Variants in ATAD3A observed in about 807,000 individuals in gnomAD.
ATAD3A encodes the protein ATPase family AAA domain-containing protein 3A.
Under a neutral mutation model 73.8 loss-of-function variants are expected in ATAD3A, and 46 were observed. That is an observed-to-expected ratio of 0.62 (90% CI 0.49 to 0.80). ATAD3A has a LOEUF of 0.80. Among genes scored for constraint, ATAD3A ranks in the 30% least tolerant of loss-of-function variants. The pLI is 0.00. For synonymous variants in ATAD3A, 319 were observed against 350.0 expected (o/e 0.91, Z 0.99); for missense variants, 705 against 838.0 (o/e 0.84, Z 1.96).
intron 14 of ATAD3A, 96 bp downstream of exon 14, chr1:1,527,958 CTTTTTTTT>C (rs376072450): frequency 1.0e-6 from 1 of 981,016 alleles, no homozygotes; most frequent in Non-Finnish European, 1.4e-6. Context: ...TTTAACATTC[CTTTTTTTT>C]TTTTTTTTTT....
chr1:1,518,985 G>A lies in ATAD3A; in HGVS notation c.509G>A (p.Arg170Gln), dbSNP rs758391776. Residue 170 changes from arginine (R) to glutamine (Q), a missense_variant, in exon 5 of 16, where the codon CGG becomes CAG. Arg to Gln is a conservative substitution (Grantham distance 43). Coordinates refer to ENST00000378756, the MANE Select transcript of ATAD3A (RefSeq NM_001170535.3). ...TCCGTGCAGAAGCAGGAAGCCATGC[G>A]GCGAGGTAGGCTGTCTGCTCTCCTG... ...EESVQKQEAM[R>Q]RATVEREMEL... 31 of 1,614,046 alleles carry A rather than the reference G, an allele frequency of 1.9e-5. No homozygotes were observed. Among genetic ancestry groups the A allele is most frequent in the East Asian group, 6.7e-5 (3 of 44,894 alleles).
Position 1,534,572 on chromosome 1 carries a change from G to T in ATAD3A, c.*500G>T. 3.8e-6 allele frequency: 1 copy of T among 261,500 alleles called. No individual in the cohort carries two copies. The highest frequency in any genetic ancestry group is 6.6e-6 in the Non-Finnish European group (1 of 150,688). The allele number at this position is 261,500 out of a possible 1,614,324, so 16.2% of individuals were successfully genotyped here. A position where few individuals can be genotyped will look rare whatever the true frequency, so the allele number is the denominator to read the frequency against. ...TTCACACACTGGTGACCCTGAGAGA[G>T]GAGGGAGGAGGGAACCTGGCGGGGG... On this transcript the variant is annotated 3_prime_UTR_variant, in exon 16 of 16. Coordinates refer to ENST00000378756, the MANE Select transcript of ATAD3A (RefSeq NM_001170535.3).
chr1:1,514,718 G>T (rs866201369), intron 1 of ATAD3A, among the ~76,000 whole-genome samples: 2 of 152,148 alleles, frequency 1.3e-5, no homozygotes, highest in South Asian at 2.1e-4. Context: ...AACAGACGCT[G>T]GGCTCTAGTT....
intron 13 of ATAD3A, 59 bp from the exon 14 acceptor site, chr1:1,527,636 C>T: frequency 5.8e-6 from 9 of 1,546,508 alleles, no homozygotes; most frequent in Middle Eastern, 1.7e-4. Context: ...AGGCCCCGTT[C>T]CCCTTGGTGC....
At position 1,516,058 on chromosome 1, in the gene ATAD3A, G is replaced by A. The variant is rs1362718963; in HGVS notation, c.252G>A (p.Thr84=). The change falls in exon 2 of 16, where the codon ACG becomes ACA. Residue 84 remains threonine (T), a synonymous_variant. Coordinates refer to ENST00000378756, the MANE Select transcript of ATAD3A (RefSeq NM_001170535.3). ...ALNLAQMQEQ[T]LQLEQQSKLK... Reference sequence around the variant, plus strand: ...ATCTGGCACAGATGCAGGAGCAGACGCTGCAGTTGGAGCAACAGTCCAAGC... The same window carrying A: ...ATCTGGCACAGATGCAGGAGCAGACACTGCAGTTGGAGCAACAGTCCAAGC... The A allele has an allele frequency of 3.1e-6, 5 of 1,613,798 alleles. No individual in the cohort carries two copies. Among genetic ancestry groups the A allele is most frequent in the East Asian group, 4.5e-5 (2 of 44,894 alleles).
intron 7 of ATAD3A, 69 bp from the exon 8 acceptor site, chr1:1,522,675 C>T (rs998163296): frequency 3.3e-5 from 52 of 1,594,654 alleles, no homozygotes; most frequent in African/African-American, 1.1e-4. Context: ...GGGGCAGCCC[C>T]GTGCGTCTCC....
chr1:1,527,145 TC>T (rs2100676387), intron 13 of ATAD3A: 1 of 1,301,010 alleles, frequency 7.7e-7, no homozygotes, highest in East Asian at 5.6e-5. Context: ...TTTCTTGGTC[TC>T]CTGGGCCCCT....
In ATAD3A at chr1:1,534,420, G is replaced by C. The variant is rs1036704683; in HGVS notation, c.*348G>C. On this transcript the variant is annotated 3_prime_UTR_variant, in exon 16 of 16. Coordinates refer to ENST00000378756, the MANE Select transcript of ATAD3A (RefSeq NM_001170535.3). ...TGGCTGAGCCCCCGGGGCAGCAGGA[G>C]CCAGGCAGGTGATGTCTTTGTTCTC... 8.5e-6 allele frequency: 11 copies of C among 1,296,692 alleles called. No individual in the cohort carries two copies. The highest frequency in any genetic ancestry group is 1.1e-5 in the Non-Finnish European group (11 of 1,012,710). The allele number at this position is 1,296,692 out of a possible 1,614,324, so 80.3% of individuals were successfully genotyped here.
chr1:1,529,239 C>T lies in ATAD3A; in HGVS notation c.1522C>T (p.Gln508Ter). 6.2e-7 allele frequency: 1 copy of T among 1,608,992 alleles called. No individual in the cohort carries two copies. Among genetic ancestry groups the T allele is most frequent in the Non-Finnish European group, 8.5e-7 (1 of 1,178,504 alleles). Reference protein sequence around the residue: ...TEGKQRLKLAQFDYGRKCSEV... With the variant: ...TEGKQRLKLA ...CTTCCCCAGGCGCCTGAAGCTGGCCCAGTTTGACTACGGGAGGAAGTGCTC... is the reference window on the plus strand; with the variant it reads ...CTTCCCCAGGCGCCTGAAGCTGGCCTAGTTTGACTACGGGAGGAAGTGCTC... The change falls in exon 15 of 16, where the codon CAG becomes TAG. Residue 508 changes from glutamine (Q) to a stop codon, truncating the protein, a stop_gained. Transcript: ENST00000378756. LOFTEE classifies it high-confidence loss of function.
chr1:1,533,323 G>A (rs1196105389), intron 15 of ATAD3A, among the ~76,000 whole-genome samples: 5 of 152,234 alleles, frequency 3.3e-5, no homozygotes, highest in Non-Finnish European at 4.4e-5. Flanking sequence ...CTGGCATTGG[G>A]ATGGAGAGTG....
At chr1:1,527,111 C>T in intron 13 of ATAD3A, 7 of 1,252,612 alleles carry the variant, frequency 5.6e-6, no homozygotes, top group African/African-American at 1.5e-5. Context: ...TCCCTAGTCC[C>T]TCCCAAGTCC....
At chr1:1,522,977 C>T (rs1341118118) in intron 8 of ATAD3A, 78 bp downstream of exon 8, 163 of 1,559,782 alleles carry the variant, frequency 1.0e-4, no homozygotes, top group South Asian at 1.0e-3. Flanking sequence ...AGCCCACGCA[C>T]ACCCTCCCGT....
intron 12 of ATAD3A, among the ~76,000 whole-genome samples, 171 bp from the exon 13 acceptor site, chr1:1,526,290 G>C (rs1641840163): frequency 6.6e-6 from 1 of 152,074 alleles, no homozygotes; most frequent in Non-Finnish European, 1.5e-5. Flanking sequence ...CAAAATCCAG[G>C]TTACATTCGT....
Position 1,523,926 on chromosome 1 carries a change from T to C in ATAD3A, c.1051T>C (p.Tyr351His). 6.2e-7 allele frequency: 1 copy of C among 1,614,028 alleles called. No individual in the cohort carries two copies. The highest frequency in any genetic ancestry group is 1.3e-5 in the African/African-American group (1 of 75,052). Residue 351 changes from tyrosine to histidine, a missense_variant, in exon 10 of 16, where the codon TAC becomes CAC. Around this residue, in one of 5 missense-constraint regions of ATAD3A, gnomAD observed 315 missense variants for 334.1 expected, o/e 0.94. Transcript: ENST00000378756. The surrounding 1 kb of genome is among the most constrained non-coding windows in gnomAD (Gnocchi z 5.1). ...CAGCCTGTACAGGAACATCCTGATG[T>C]ACGGGCCACCAGGCACCGGGAAGAC... ...NRSLYRNILM[Y>H]GPPGTGKTLF... is the part of the protein sequence containing the mutation.
intron 1 of ATAD3A, among the ~76,000 whole-genome samples, chr1:1,515,764 C>T (rs1170774844): frequency 6.6e-6 from 1 of 152,206 alleles, no homozygotes; most frequent in Non-Finnish European, 1.5e-5. Flanking sequence ...CGTGGGATGG[C>T]CTTCCTGATG....
intron 14 of ATAD3A, among the ~76,000 whole-genome samples, chr1:1,528,649 A>G (rs1419847834): frequency 6.6e-6 from 1 of 152,070 alleles, no homozygotes; most frequent in East Asian, 1.9e-4. Flanking sequence ...CCTCGGGAAC[A>G]CTCCAGATGA....
Position 1,520,753 on chromosome 1 carries a change from A to T in ATAD3A, c.750+136A>T, listed in dbSNP as rs956149855. 2 of 1,401,448 alleles carry T rather than the reference A, an allele frequency of 1.4e-6. No individual in the cohort carries two copies. The highest frequency in any genetic ancestry group is 2.9e-5 in the African/African-American group (2 of 69,542). 86.8% of individuals were successfully genotyped at this position (1,401,448 alleles called of 1,614,324 possible). A position where few individuals can be genotyped will look rare whatever the true frequency, so the allele number is the denominator to read the frequency against. On this transcript the variant is annotated intron_variant, in intron 7 of 15. Transcript: ENST00000378756. This position sits in a 1 kb window ranked among gnomAD's most constrained non-coding sequence, Gnocchi z 4.0. ...CCAGCAGGGAGGAAGCCCACGTTGT[A>T]CCTGCTGGCCTCGGCTTCTCCTCCC...
Position 1,517,313 on chromosome 1 carries a change from G to C in ATAD3A, c.285G>C (p.Glu95Asp). The C allele has an allele frequency of 6.5e-7, 1 of 1,546,600 alleles. No individual in the cohort carries two copies. Among genetic ancestry groups the C allele is most frequent in the Non-Finnish European group, 8.7e-7 (1 of 1,146,664 alleles). ...LQLEQQSKLK[E>D]YEAAVEQLKS... ...CTGGTGAGTGCTGTGCTCTGCAGGA[G>C]TATGAGGCCGCCGTGGAGCAGCTCA... is the stretch of plus-strand genomic sequence containing the variant. Residue 95 changes from glutamate to aspartate, a missense_variant and splice_region_variant, in exon 3 of 16, where the codon GAG becomes GAC. This residue lies in a region of ATAD3A where 125 missense variants were observed against 170.6 expected (regional missense o/e 0.73). Coordinates refer to ENST00000378756, the MANE Select transcript of ATAD3A (RefSeq NM_001170535.3).
intron 1 of ATAD3A, among the ~76,000 whole-genome samples, chr1:1,515,528 A>C (rs915556899): frequency 1.3e-5 from 2 of 152,180 alleles, no homozygotes; most frequent in African/African-American, 2.4e-5. Context: ...TCTAGGAACA[A>C]AACGTAACTG....
Sources: gnomAD v4.1 joint callset for allele counts (sites outside exome capture counted in the v4.1 genomes callset) on GRCh38, gnomAD v4.1.1 for gene constraint, gnomAD v4.1.1 regional missense constraint, Gnocchi (gnomAD v3.1) non-coding constraint, MANE v1.5 for transcripts, NCBI Gene and HGNC (gene_info 2026-07-23, HGNC 2026-07-21) for gene names.